CRBN: variants seen among roughly 807,000 people sequenced by gnomAD.
CRBN encodes cereblon.
A neutral mutation model predicts 62.2 loss-of-function variants in CRBN; 53 were observed. The observed-to-expected ratio is 0.85, with a 90% CI of 0.68 to 1.07. CRBN has a LOEUF of 1.07. Ranked by LOEUF, CRBN falls within the 50% of genes least tolerant of loss-of-function variation. The pLI is 0.00. For synonymous variants in CRBN, 208 were observed against 176.1 expected (o/e 1.18, Z -1.43); for missense variants, 616 against 531.1 (o/e 1.16, Z -1.57).
chr3:3,158,381 T>C (rs797019767), intron 5 of CRBN, among the ~76,000 whole-genome samples: 38 of 152,300 alleles, frequency 2.5e-4, no homozygotes, highest in African/African-American at 9.1e-4. Context: ...GGCCAGGATT[T>C]GGGGACCCCT....
chr3:3,174,395 C>G, intron 2 of CRBN, 134 bp from the exon 3 acceptor site: 1 of 747,460 alleles, frequency 1.3e-6, no homozygotes, highest in Non-Finnish European at 2.2e-6. Flanking sequence ...AATTCCAGCA[C>G]TTTGGGAGGC....
intron 4 of CRBN, among the ~76,000 whole-genome samples, chr3:3,168,748 AGT>A (rs1358716544): frequency 6.6e-6 from 1 of 152,178 alleles, no homozygotes; most frequent in African/African-American, 2.4e-5. Flanking sequence ...AAAATAACTG[AGT>A]GTGTTAGAAA....
chr3:3,165,252 A>T (rs1707285111), intron 5 of CRBN, among the ~76,000 whole-genome samples: 1 of 152,228 alleles, frequency 6.6e-6, no homozygotes, highest in Admixed American at 6.5e-5. Flanking sequence ...TTGAAATGAC[A>T]CAAAGAATTC....
intron 1 of CRBN, 59 bp downstream of exon 1, chr3:3,179,562 G>A (rs922975375): frequency 7.7e-5 from 120 of 1,549,986 alleles, no homozygotes; most frequent in Non-Finnish European, 1.0e-4. Flanking sequence ...CAGCTGCACC[G>A]CTAGCGGCTC....
chr3:3,165,568 G>A (rs1012716130), intron 5 of CRBN, among the ~76,000 whole-genome samples: 1 of 152,100 alleles, frequency 6.6e-6, no homozygotes, highest in Non-Finnish European at 1.5e-5. Flanking sequence ...GTATTTTTTA[G>A]CAATAAAGTA....
intron 6 of CRBN, chr3:3,155,088 G>A: frequency 2.0e-6 from 1 of 509,918 alleles, no homozygotes; most frequent in Non-Finnish European, 3.5e-6. Context: ...CTTGCAGATT[G>A]TTCTGTTCTA....
At chr3:3,165,636 T>C (rs943506396) in intron 5 of CRBN, among the ~76,000 whole-genome samples, 36 of 152,222 alleles carry the variant, frequency 2.4e-4, no homozygotes, top group African/African-American at 7.7e-4. Flanking sequence ...GTACACATGA[T>C]AGACTACAGT....
At chr3:3,155,849 C>T in intron 6 of CRBN, 1 of 205,884 alleles carries the variant, frequency 4.9e-6, no homozygotes, top group African/African-American at 2.3e-5. Flanking sequence ...CTCTGTTGTC[C>T]AGGCTGGAGT....
intron 5 of CRBN, among the ~76,000 whole-genome samples, chr3:3,165,825 G>T (rs551251685): frequency 2.3e-4 from 35 of 152,172 alleles, no homozygotes; most frequent in African/African-American, 7.7e-4. Context: ...TGAATATTCA[G>T]ATGACACATA....
intron 4 of CRBN, among the ~76,000 whole-genome samples, chr3:3,171,096 T>G (rs1410460463): frequency 1.6e-4 from 24 of 152,216 alleles, no homozygotes. Flanking sequence ...TGAGCCACTG[T>G]GCGCGGCCTG....
intron 5 of CRBN, among the ~76,000 whole-genome samples, chr3:3,158,465 G>C (rs1293104112): frequency 6.6e-6 from 1 of 152,174 alleles, no homozygotes; most frequent in African/African-American, 2.4e-5. Context: ...CAGACCATGA[G>C]ACCCTTCAGG....
chr3:3,161,635 CCTCAGCCTCCCAAAGTGCTGGGATTA>C (rs1211252026), intron 5 of CRBN, among the ~76,000 whole-genome samples: 15 of 152,194 alleles, frequency 9.9e-5, no homozygotes, highest in African/African-American at 3.6e-4. Context: ...GATCCACCCG[CCTCAGCCTCCCAAAGTGCTGGGATTA>C]CAGGCGTGAG....
At chr3:3,172,737 A>G (rs1707671926) in intron 4 of CRBN, 39 bp downstream of exon 4, 10 of 1,591,714 alleles carry the variant, frequency 6.3e-6, no homozygotes, top group Non-Finnish European at 8.6e-6. Context: ...TTTCATTAGG[A>G]AACATTCAAA....
intron 5 of CRBN, among the ~76,000 whole-genome samples, chr3:3,160,318 C>CACTTATTGTGTTAAATCCTATTACA (rs1345323801): frequency 2.6e-5 from 4 of 152,152 alleles, no homozygotes; most frequent in African/African-American, 9.7e-5. Flanking sequence ...TAAAAGTGGT[C>CACTTATTGTGTTAAATCCTATTACA]ACTTATTGTG....
intron 5 of CRBN, among the ~76,000 whole-genome samples, chr3:3,159,221 T>C (rs1373675621): frequency 6.6e-6 from 1 of 152,184 alleles, no homozygotes; most frequent in African/African-American, 2.4e-5. Context: ...AGGCTATTTT[T>C]ATACATTTAG....
At position 3,179,561 on chromosome 3, in the gene CRBN, C is replaced by G. The variant is rs537652453; in HGVS notation, c.67+60G>C. On this transcript the variant is annotated intron_variant, in intron 1 of 10. Transcript: ENST00000231948. ...GCCCGCCTCCCAGGCCCAGCTGCAC[C>G]GCTAGCGGCTCCGAGCCTCGCCCCA... The G allele has an allele frequency of 1.1e-4, 178 of 1,550,114 alleles. 2 individuals carry two copies. The South Asian group carries it at 1.9e-3, about 17-fold the overall frequency.
chr3:3,161,126 C>CA (rs1421692132), intron 5 of CRBN, among the ~76,000 whole-genome samples: 4 of 151,996 alleles, frequency 2.6e-5, no homozygotes, highest in South Asian at 2.1e-4. Context: ...AGAACAACAA[C>CA]AAAAAAACAG....
At chr3:3,168,363 A>C (rs1249541227) in intron 4 of CRBN, among the ~76,000 whole-genome samples, 2 of 152,164 alleles carry the variant, frequency 1.3e-5, no homozygotes, top group African/African-American at 4.8e-5. Context: ...TGTACAAAGG[A>C]TCAAACTATA....
chr3:3,174,681 A>C (rs1012045511), intron 2 of CRBN, among the ~76,000 whole-genome samples: 2 of 81,028 alleles, frequency 2.5e-5, no homozygotes, highest in Non-Finnish European at 8.3e-5. Context: ...GGTTACAAAC[A>C]CTTAATAAAC....
Sources: allele counts gnomAD v4.1 joint callset (sites outside exome capture counted in the v4.1 genomes callset), GRCh38; gene constraint gnomAD v4.1.1; transcripts MANE v1.5; gene names NCBI Gene and HGNC (gene_info 2026-07-23, HGNC 2026-07-21).